Variants in USP53 observed in about 807,000 individuals in gnomAD.
The protein encoded by USP53 is ubiquitin specific peptidase 53, also known as ubiquitin carboxyl-terminal hydrolase 53.
Under a neutral mutation model 94.9 loss-of-function variants are expected in USP53, and 71 were observed. That is an observed-to-expected ratio of 0.75 (90% CI 0.62 to 0.91). USP53 has a LOEUF of 0.91. Among genes scored for constraint, USP53 ranks in the 40% least tolerant of loss-of-function variants. USP53 has a pLI of 0.00. For missense variants in USP53, 1,173 were observed against 1,281.0 expected, an observed-to-expected ratio of 0.92 and a Z score of 1.29; for synonymous variants, 375 against 422.7, an observed-to-expected ratio of 0.89 and a Z score of 1.39.
intron 9 of USP53, among the ~76,000 whole-genome samples, chr4:119,259,090 GA>G (rs1179316238): frequency 6.6e-6 from 1 of 152,092 alleles, no homozygotes; most frequent in Non-Finnish European, 1.5e-5. Context: ...AGACCAGCCT[GA>G]GGAACATGGT....
chr4:119,267,287 G>GT lies in USP53; in HGVS notation c.973-29dup, dbSNP rs1356622838. On this transcript the variant is annotated intron_variant, in intron 12 of 18. Coordinates refer to ENST00000692078, the MANE Select transcript of USP53 (RefSeq NM_001371395.1). ...TGTAACACATTGATTACAAGGTTTT[G>GT]TTTTGTCTTTATTCATTGTGTTTTT... 2.5e-6 allele frequency: 4 copies of GT among 1,597,792 alleles called. No homozygotes were observed. The Admixed American group carries it at 7.0e-5, about 28-fold the overall frequency.
chr4:119,261,996 T>C, intron 12 of USP53, 132 bp downstream of exon 12: 1 of 854,166 alleles, frequency 1.2e-6, no homozygotes, highest in Non-Finnish European at 1.6e-6. Flanking sequence ...AACATGATGA[T>C]AGCATCAGTA....
At chr4:119,225,596 A>G (rs1745125850) in intron 3 of USP53, among the ~76,000 whole-genome samples, 1 of 152,108 alleles carries the variant, frequency 6.6e-6, no homozygotes. Flanking sequence ...AATACAAAAA[A>G]TTAGCCGGGC....
intron 3 of USP53, among the ~76,000 whole-genome samples, chr4:119,222,982 G>A (rs1744753086): frequency 6.6e-6 from 1 of 151,816 alleles, no homozygotes; most frequent in Non-Finnish European, 1.5e-5. Flanking sequence ...TTTTTCCCTT[G>A]TGGATTATGT....
In USP53 at chr4:119,239,573, C is replaced by A; in HGVS notation, c.-187C>A. The A allele has an allele frequency of 1.7e-6, 1 of 595,164 alleles. No individual in the cohort carries two copies. Among genetic ancestry groups the A allele is most frequent in the Non-Finnish European group, 2.7e-6 (1 of 371,974 alleles). The allele number at this position is 595,164 out of a possible 1,614,324, so 36.9% of individuals were successfully genotyped here. ...GCTTAGAACTTCAATGTTTATGCACCCTATTGTTACTTGTCAGAGTCTTTA... is the reference window on the plus strand; with the variant it reads ...GCTTAGAACTTCAATGTTTATGCACACTATTGTTACTTGTCAGAGTCTTTA... On this transcript the variant is annotated 5_prime_UTR_variant, in exon 5 of 19. Transcript: ENST00000692078.
intron 17 of USP53, among the ~76,000 whole-genome samples, chr4:119,285,368 A>T (rs1277854185): frequency 6.6e-6 from 1 of 151,902 alleles, no homozygotes; most frequent in Admixed American, 6.6e-5. Context: ...TATGTAACAG[A>T]TCACAAAAGA....
At chr4:119,273,558 ATGT>A in intron 16 of USP53, 71 bp from the exon 17 acceptor site, 1 of 1,008,814 alleles carries the variant, frequency 9.9e-7, no homozygotes, top group Non-Finnish European at 1.4e-6. Flanking sequence ...TGTTTAACAA[ATGT>A]TGTTTTTTTT....
At chr4:119,238,823 G>C (rs1409444885) in intron 4 of USP53, among the ~76,000 whole-genome samples, 1 of 152,036 alleles carries the variant, frequency 6.6e-6, no homozygotes, top group African/African-American at 2.4e-5. Flanking sequence ...GGTTTCTTTT[G>C]AATAATTATA....
rs1236578323 is a variant in USP53 at position 119,264,694 on chromosome 4, G to A, written c.973-2626G>A. ...AAAGACCAGTAGTTGGTGAGGATAGGAACAGCTGGATCTCTCACACAAGGT... is the reference window on the plus strand; with the variant it reads ...AAAGACCAGTAGTTGGTGAGGATAGAAACAGCTGGATCTCTCACACAAGGT... On this transcript the variant is annotated intron_variant, in intron 12 of 18. Coordinates refer to ENST00000692078, the MANE Select transcript of USP53 (RefSeq NM_001371395.1). Among the ~76,000 whole-genome samples the A allele has an allele frequency of 3.3e-5, 5 of 152,306 alleles. No individual in the cohort carries two copies. In the South Asian group the frequency reaches 1.0e-3, roughly 32 times the overall value.
chr4:119,273,563 G>GTTTTT, intron 16 of USP53, 69 bp from the exon 17 acceptor site: 1 of 902,580 alleles, frequency 1.1e-6, no homozygotes, highest in Non-Finnish European at 1.6e-6. Context: ...AACAAATGTT[G>GTTTTT]TTTTTTTTTA....
Position 119,293,123 on chromosome 4 carries a change from T to TGACG in USP53, c.3137_3140dup (p.Thr1048GlyfsTer4). 1 of 1,613,914 alleles carries TGACG rather than the reference T, an allele frequency of 6.2e-7. No individual in the cohort carries two copies. The highest frequency in any genetic ancestry group is 8.5e-7 in the Non-Finnish European group (1 of 1,179,928). ...ACCTATTTTTCAGTTGATAGCTGCA[T>TGACG]GACGGATACATATAGATTGAAATAC... On this transcript the variant is annotated frameshift_variant, in exon 19 of 19. Transcript: ENST00000692078. LOFTEE classifies it high-confidence loss of function.
At chr4:119,238,795 A>G (rs971701974) in intron 4 of USP53, among the ~76,000 whole-genome samples, 1 of 152,328 alleles carries the variant, frequency 6.6e-6, no homozygotes, top group East Asian at 1.9e-4. Context: ...ATTCACCAAG[A>G]TTTATTTATG....
At position 119,292,850 on chromosome 4, in the gene USP53, C is replaced by T. The variant is rs769604196; in HGVS notation, c.2861C>T (p.Ala954Val). The T allele has an allele frequency of 2.5e-6, 4 of 1,614,078 alleles. No homozygotes were observed. Among genetic ancestry groups the T allele is most frequent in the Non-Finnish European group, 3.4e-6 (4 of 1,179,972 alleles). The change falls in exon 19 of 19, where the codon GCT (alanine) becomes GTT (valine). Residue 954 changes from alanine to valine, a missense_variant. Physicochemically the swap from Ala to Val is moderately conservative, Grantham distance 64. Coordinates refer to ENST00000692078, the MANE Select transcript of USP53 (RefSeq NM_001371395.1). ...GTCAAACTTACAGAGGTGTTTAAAG[C>T]TACCTCTCATCTTCCGAAGCACAGT... ...PDVKLTEVFK[A>V]TSHLPKHSLS...
At chr4:119,278,565 GA>G (rs1752990763) in intron 17 of USP53, among the ~76,000 whole-genome samples, 1 of 131,294 alleles carries the variant, frequency 7.6e-6, no homozygotes, top group Non-Finnish European at 1.6e-5. Flanking sequence ...TGGTGAATCT[GA>G]CAATTATGTG....
chr4:119,287,528 C>T (rs184170675), intron 17 of USP53, among the ~76,000 whole-genome samples: 34 of 152,168 alleles, frequency 2.2e-4, no homozygotes, highest in Admixed American at 1.2e-3. Flanking sequence ...AATAAAATCA[C>T]TGCTTTAATA....
chr4:119,233,103 T>G (rs150878875), intron 3 of USP53, among the ~76,000 whole-genome samples: 1 of 152,188 alleles, frequency 6.6e-6, no homozygotes, highest in East Asian at 1.9e-4. Context: ...TAAAGTAATA[T>G]TCTTACCATT....
At chr4:119,242,851 A>G (rs993155342) in intron 5 of USP53, among the ~76,000 whole-genome samples, 1 of 152,244 alleles carries the variant, frequency 6.6e-6, no homozygotes, top group African/African-American at 2.4e-5. Flanking sequence ...TATGTCTTGT[A>G]AGAATTTACT....
At chr4:119,287,184 C>CTG (rs1193065920) in intron 17 of USP53, among the ~76,000 whole-genome samples, 1 of 151,914 alleles carries the variant, frequency 6.6e-6, no homozygotes, top group Non-Finnish European at 1.5e-5. Flanking sequence ...ATGCTAGATA[C>CTG]TGTGTTAACT....
chr4:119,266,558 C>A (rs531738270), intron 12 of USP53, among the ~76,000 whole-genome samples: 5 of 152,132 alleles, frequency 3.3e-5, no homozygotes, highest in African/African-American at 1.2e-4. Flanking sequence ...ATATTTTGAG[C>A]ATCTTTTCAT....
Sources: allele counts gnomAD v4.1 joint callset (sites outside exome capture counted in the v4.1 genomes callset), GRCh38; gene constraint gnomAD v4.1.1; transcripts MANE v1.5; gene names NCBI Gene and HGNC (gene_info 2026-07-23, HGNC 2026-07-21).